TYW3: variants seen among roughly 807,000 people sequenced by gnomAD.
TYW3 encodes tRNA wybutosine-synthesizing protein 3 homolog.
Under a neutral mutation model 23.1 loss-of-function variants are expected in TYW3, and 26 were observed. That is an observed-to-expected ratio of 1.13 (90% CI 0.83 to 1.56). The LOEUF is 1.56. TYW3 is among the 40% of genes most tolerant of loss of function. The probability of loss-of-function intolerance (pLI) is 0.00; values close to 1 mark genes in which losing one functional copy is unlikely to be tolerated. For missense variants in TYW3, 316 were observed against 311.9 expected, an observed-to-expected ratio of 1.01 and a Z score of -0.10; for synonymous variants, 102 against 105.7, an observed-to-expected ratio of 0.97 and a Z score of 0.21.
intron 5 of TYW3, among the ~76,000 whole-genome samples, chr1:74,757,943 C>T (rs1649008021): frequency 6.6e-6 from 1 of 152,156 alleles, no homozygotes; most frequent in Non-Finnish European, 1.5e-5. Context: ...CCACATGGAA[C>T]CATAAGTCCA....
At chr1:74,745,649 G>A (rs1342725731) in intron 3 of TYW3, among the ~76,000 whole-genome samples, 1 of 152,220 alleles carries the variant, frequency 6.6e-6, no homozygotes, top group South Asian at 2.1e-4. Flanking sequence ...CTCTCAGAAG[G>A]AATGGAAATC....
intron 1 of TYW3, chr1:74,734,281 T>C (rs1381526127): frequency 6.6e-6 from 1 of 152,208 alleles, no homozygotes; most frequent in Non-Finnish European, 1.5e-5. Flanking sequence ...TTGTCCAGAA[T>C]ATTCCACTAT....
At chr1:74,739,469 T>C (rs1450255023) in intron 3 of TYW3, among the ~76,000 whole-genome samples, 1 of 152,212 alleles carries the variant, frequency 6.6e-6, no homozygotes, top group Non-Finnish European at 1.5e-5. Flanking sequence ...GATAGGCTTC[T>C]CTGAAAAGCT....
intron 5 of TYW3, among the ~76,000 whole-genome samples, 182 bp from the exon 6 acceptor site, chr1:74,763,712 G>A (rs3819947): frequency 0.2 from 30,686 of 151,830 alleles, 4,328 homozygotes; most frequent in East Asian, 0.71. Context: ...CAGTTTTCAG[G>A]GCTGTTCTTA....
chr1:74,744,116 A>C (rs1292431887), intron 3 of TYW3, among the ~76,000 whole-genome samples: 1 of 152,080 alleles, frequency 6.6e-6, no homozygotes, highest in Non-Finnish European at 1.5e-5. Context: ...AGATTAGAGG[A>C]GGCTTATCAT....
At chr1:74,735,650 C>T (rs1465505995) in intron 1 of TYW3, among the ~76,000 whole-genome samples, 5 of 152,276 alleles carry the variant, frequency 3.3e-5, no homozygotes, top group Admixed American at 6.5e-5. Flanking sequence ...CCACTAGATC[C>T]TGTAAAGTTG....
Position 74,764,590 on chromosome 1 carries a change from C to T in TYW3, c.*477C>T, listed in dbSNP as rs1201249563. On this transcript the variant is annotated 3_prime_UTR_variant, in exon 6 of 6. Coordinates refer to ENST00000370867, the MANE Select transcript of TYW3 (RefSeq NM_138467.3). ...ATTATATCTTTGGTTGTGATTTAAA[C>T]TTATGCTATAAACTAAATTAATGAT... The T allele has an allele frequency of 6.6e-6, 1 of 152,636 alleles. No individual in the cohort carries two copies. The highest frequency in any genetic ancestry group is 1.5e-5 in the Non-Finnish European group (1 of 68,452). 9.5% of individuals were successfully genotyped at this position (152,636 alleles called of 1,614,324 possible). A position where few individuals can be genotyped will look rare whatever the true frequency, so the allele number is the denominator to read the frequency against.
chr1:74,744,890 G>C (rs887479833), intron 3 of TYW3, among the ~76,000 whole-genome samples: 4 of 152,148 alleles, frequency 2.6e-5, no homozygotes, highest in African/African-American at 9.7e-5. Context: ...AGCTCTTAAA[G>C]GTGGTGTGTC....
At chr1:74,741,061 G>A (rs955099038) in intron 3 of TYW3, among the ~76,000 whole-genome samples, 2 of 152,176 alleles carry the variant, frequency 1.3e-5, no homozygotes, top group African/African-American at 4.8e-5. Context: ...CAGTGAAAGG[G>A]CCAGTGGGTC....
rs1249880364 is a variant in TYW3, at chr1:74,736,541, G to A, written c.175-1G>A. The stretch of plus-strand genomic sequence containing the variant: ...TTAAATTATGTTATTTTTTATTTTA[G>A]GGTATAAATGGTTTTGAGGTTCAGA... On this transcript the variant is annotated splice_acceptor_variant, in intron 1 of 5. Transcript: ENST00000370867. LOFTEE classifies it high-confidence loss of function. 1 of 1,577,164 alleles carries A rather than the reference G, an allele frequency of 6.3e-7. No homozygotes were observed. Among genetic ancestry groups the A allele is most frequent in the South Asian group, 1.2e-5 (1 of 81,920 alleles).
In TYW3 at chr1:74,748,794, C is replaced by A. The variant is rs369783452; in HGVS notation, c.398C>A (p.Thr133Lys). Residue 133 changes from threonine to lysine, a missense_variant, in exon 4 of 6, where the codon ACG becomes AAG. By Grantham distance (78) the Thr-to-Lys change is moderately conservative. Transcript: ENST00000370867. ...IDSGFRNSGI[T>K]VGKRGKTMLA... The stretch of plus-strand genomic sequence containing the variant: ...TCTGGTTTCAGGAACTCTGGCATAA[C>A]GGTGGGAAAGAGAGGAAAAACTATG... 6.2e-7 allele frequency: 1 copy of A among 1,613,826 alleles called. No individual in the cohort carries two copies. Among genetic ancestry groups the A allele is most frequent in the African/African-American group, 1.3e-5 (1 of 74,890 alleles).
intron 3 of TYW3, among the ~76,000 whole-genome samples, chr1:74,747,071 T>A (rs1016813493): frequency 2.0e-5 from 3 of 152,184 alleles, no homozygotes; most frequent in African/African-American, 7.2e-5. Flanking sequence ...AGAGCTTGGA[T>A]TCTGTCACTA....
intron 5 of TYW3, among the ~76,000 whole-genome samples, chr1:74,763,321 A>G (rs1649189711): frequency 6.6e-6 from 1 of 152,116 alleles, no homozygotes; most frequent in South Asian, 2.1e-4. Context: ...TGTTTGTATC[A>G]GGGAAAATTT....
Position 74,752,330 on chromosome 1 carries a change from C to A in TYW3, c.465C>A (p.Ser155Arg), listed in dbSNP as rs146152058. The A allele has an allele frequency of 1.3e-4, 213 of 1,612,186 alleles. No homozygotes were observed. The highest frequency in any genetic ancestry group is 5.5e-5 in the Non-Finnish European group (65 of 1,179,088). Reference protein sequence around the residue: ...RSTHGLEVPLSHKGKLMVTEE... With the variant: ...RSTHGLEVPLRHKGKLMVTEE... ...CACATGGCTTAGAAGTTCCATTAAG[C>A]CATAAGGGAAAACTGATGGTGACAG... Residue 155 changes from serine (S) to arginine (R), a missense_variant, in exon 5 of 6, where the codon AGC becomes AGA. Physicochemically the swap from Ser to Arg is moderately radical, Grantham distance 110 (BLOSUM62 -1). Transcript: ENST00000370867.
chr1:74,745,455 CACA>C (rs1242030014), intron 3 of TYW3, among the ~76,000 whole-genome samples: 4 of 152,008 alleles, frequency 2.6e-5, no homozygotes, highest in African/African-American at 9.7e-5. Context: ...TTTAGCTAGA[CACA>C]GAGCACTGAT....
intron 2 of TYW3, among the ~76,000 whole-genome samples, chr1:74,738,053 TCCAAGGTTCCTCTC>T (rs1377470649): frequency 5.3e-5 from 8 of 151,526 alleles, no homozygotes; most frequent in Admixed American, 5.3e-4. Context: ...GCTGAGCAGT[TCCAAGGTTCCTCTC>T]CCAAAGTTAG....
Position 74,734,342 on chromosome 1 carries a change from G to A in TYW3, c.174+924G>A, listed in dbSNP as rs979544495. 5.9e-5 allele frequency among the ~76,000 whole-genome samples: 9 copies of A among 152,180 alleles called. 1 individual carries two copies. The highest frequency in any genetic ancestry group is 6.5e-5 in the Admixed American group (1 of 15,282). ...TGGTAGCCTTCTGGGTTATCAGATC[G>A]ACTGTGGTGGTATCACAGTGCTTGT... On this transcript the variant is annotated intron_variant, in intron 1 of 5. Transcript: ENST00000370867.
intron 3 of TYW3, among the ~76,000 whole-genome samples, chr1:74,747,845 G>A (rs1244697412): frequency 6.6e-6 from 1 of 151,102 alleles, no homozygotes; most frequent in African/African-American, 2.4e-5. Context: ...GTATATATGT[G>A]TATACACATA....
intron 3 of TYW3, among the ~76,000 whole-genome samples, chr1:74,747,660 AAAAAG>A (rs528876384): frequency 6.6e-5 from 10 of 151,510 alleles, no homozygotes; most frequent in East Asian, 3.9e-4. Context: ...AGAAAAAGAA[AAAAAG>A]AAAAGAAAAG....
Sources: gnomAD v4.1 joint callset for allele counts (sites outside exome capture counted in the v4.1 genomes callset) on GRCh38, gnomAD v4.1.1 for gene constraint, MANE v1.5 for transcripts, NCBI Gene and HGNC (gene_info 2026-07-23, HGNC 2026-07-21) for gene names.